Variants in LCK observed in about 807,000 individuals in gnomAD.
The protein encoded by LCK is LCK proto-oncogene, Src family tyrosine kinase, also known as tyrosine-protein kinase Lck.
Under a neutral mutation model 64.6 loss-of-function variants are expected in LCK, and 14 were observed. The observed-to-expected ratio is 0.22, with a 90% confidence interval of 0.14 to 0.34. The LOEUF is 0.34. Ranked by LOEUF, LCK falls within the 10% of genes least tolerant of loss-of-function variation. The pLI is 1.00. For missense variants in LCK, 434 were observed against 668.1 expected (o/e 0.65, Z 3.86); for synonymous variants, 277 against 263.6 (o/e 1.05, Z -0.49).
At chr1:32,273,572 G>A (rs761488773) in intron 1 of LCK, among the ~76,000 whole-genome samples, 25 of 151,986 alleles carry the variant, frequency 1.6e-4, no homozygotes, top group Admixed American at 2.6e-4. Context: ...GGACTCCGGG[G>A]GCTTCAAAGT....
At chr1:32,265,090 C>A (rs1235169904) in intron 1 of LCK, among the ~76,000 whole-genome samples, 1 of 151,886 alleles carries the variant, frequency 6.6e-6, no homozygotes, top group Non-Finnish European at 1.5e-5. Flanking sequence ...GCCTGTAATC[C>A]CAGCTGCTCG....
intron 1 of LCK, among the ~76,000 whole-genome samples, chr1:32,263,931 A>G (rs909907108): frequency 1.3e-5 from 2 of 152,020 alleles, no homozygotes; most frequent in Non-Finnish European, 2.9e-5. Flanking sequence ...AAAAAAAAGA[A>G]GAAGACCGGA....
intron 1 of LCK, among the ~76,000 whole-genome samples, chr1:32,261,240 ATTT>A (rs533208515): frequency 2.8e-4 from 30 of 106,118 alleles, no homozygotes; most frequent in African/African-American, 7.0e-4. Flanking sequence ...TGCTTGGCTA[ATTT>A]TTTTTTTTTT....
At chr1:32,263,333 C>T (rs1348525503) in intron 1 of LCK, among the ~76,000 whole-genome samples, 1 of 151,754 alleles carries the variant, frequency 6.6e-6, no homozygotes. Context: ...GTGGAGGTTG[C>T]AGTCAGCTGC....
intron 1 of LCK, among the ~76,000 whole-genome samples, chr1:32,261,823 C>T (rs1371910043): frequency 6.6e-6 from 1 of 151,012 alleles, no homozygotes; most frequent in African/African-American, 2.4e-5. Flanking sequence ...ATACTAGGCG[C>T]ATGCCTCCAA....
intron 12 of LCK, among the ~76,000 whole-genome samples, chr1:32,284,639 G>A (rs988525752): frequency 1.2e-4 from 18 of 152,090 alleles, no homozygotes; most frequent in Admixed American, 1.2e-3. Context: ...CACCATGCTG[G>A]GATTACAGGC....
At position 32,286,105 on chromosome 1, in the gene LCK, C is replaced by T. The variant is rs971766339; in HGVS notation, c.*389C>T. On this transcript the variant is annotated 3_prime_UTR_variant, in exon 13 of 13. Coordinates refer to ENST00000336890, the MANE Select transcript of LCK (RefSeq NM_005356.5). ...TTATCTAATACCTCTGTGTGCTCCT[C>T]CTTGGTGCCTGGCCTGGCACACATC... 3.1e-6 allele frequency: 1 copy of T among 319,062 alleles called. No homozygotes were observed. Among genetic ancestry groups the T allele is most frequent in the South Asian group, 6.5e-5 (1 of 15,362 alleles). 19.8% of individuals were successfully genotyped at this position (319,062 alleles called of 1,614,324 possible). A position where few individuals can be genotyped will look rare whatever the true frequency, so the allele number is the denominator to read the frequency against.
intron 1 of LCK, among the ~76,000 whole-genome samples, chr1:32,254,356 T>C (rs993571633): frequency 2.0e-5 from 3 of 152,046 alleles, no homozygotes; most frequent in African/African-American, 7.2e-5. Flanking sequence ...CCATCTCCAC[T>C]AAAAATACAA....
chr1:32,263,915 TA>T (rs879349289), intron 1 of LCK, among the ~76,000 whole-genome samples: 275 of 142,784 alleles, frequency 1.9e-3, no homozygotes, highest in Middle Eastern at 7.2e-3. Flanking sequence ...AGACCCTGTT[TA>T]AAAAAAAAAA....
chr1:32,264,003 A>G (rs911767552), intron 1 of LCK, among the ~76,000 whole-genome samples: 1 of 152,030 alleles, frequency 6.6e-6, no homozygotes, highest in Non-Finnish European at 1.5e-5. Context: ...TCACAATTAC[A>G]TAGGGACGGT....
rs1640364076 is a variant in LCK, at chr1:32,278,904, C to T, written c.965-767C>T. On this transcript the variant is annotated intron_variant, in intron 9 of 12. Transcript: ENST00000336890. ...CTCTTGGGAAGGGCCATTGGTCACTCACTGCATCCTAGCAACTCCCATCCA... is the reference window on the plus strand; with the variant it reads ...CTCTTGGGAAGGGCCATTGGTCACTTACTGCATCCTAGCAACTCCCATCCA... Among the ~76,000 whole-genome samples, 3 of 152,320 alleles carry T rather than the reference C, an allele frequency of 2.0e-5. No homozygotes were observed. In the South Asian group the frequency reaches 6.2e-4, roughly 32 times the overall value.
rs757995788 is a variant in LCK at position 32,251,360 on chromosome 1, C to T, written c.-17C>T. 82 of 153,126 alleles carry T rather than the reference C, an allele frequency of 5.4e-4. No homozygotes were observed. The highest frequency in any genetic ancestry group is 3.3e-3 in the Middle Eastern group (1 of 300). The allele number at this position is 153,126 out of a possible 1,614,324, so 9.5% of individuals were successfully genotyped here. ...CATGTGAATGGGGCCAGAGGGCTCC[C>T]GGGCTGGGCAGGTAAGGAGCGCTGG... On this transcript the variant is annotated 5_prime_UTR_variant, in exon 1 of 13. Transcript: ENST00000336890. This position sits in a 1 kb window ranked among gnomAD's most constrained non-coding sequence, Gnocchi z 4.0.
rs1035188114 is a variant in LCK at position 32,275,144 on chromosome 1, C to T, written c.278+61C>T. 4 of 1,523,532 alleles carry T rather than the reference C, an allele frequency of 2.6e-6. No individual in the cohort carries two copies. The highest frequency in any genetic ancestry group is 3.5e-5 in the Admixed American group (2 of 57,860). 94.4% of individuals were successfully genotyped at this position (1,523,532 alleles called of 1,614,324 possible). On this transcript the variant is annotated intron_variant, in intron 4 of 12. Transcript: ENST00000336890. This position sits in a 1 kb window ranked among gnomAD's most constrained non-coding sequence, Gnocchi z 6.9. ...TGAGGGAGCGGCGATCTCCGCGACC[C>T]GCAGCCCTCCTGCGGCCCTTGACCA...
At chr1:32,253,003 C>T (rs183864544) in intron 1 of LCK, among the ~76,000 whole-genome samples, 24 of 152,226 alleles carry the variant, frequency 1.6e-4, no homozygotes, top group Non-Finnish European at 2.2e-4. Context: ...GTCACAATTC[C>T]GCTGGACCAT....
In LCK at chr1:32,280,443, C is replaced by CTTTTTTTTTTTTTTT. The variant is rs770430504; in HGVS notation, c.1327+249_1327+263dup. Among the ~76,000 whole-genome samples, 371 of 84,772 alleles carry CTTTTTTTTTTTTTTT rather than the reference C, an allele frequency of 4.4e-3. 5 individuals are homozygous for CTTTTTTTTTTTTTTT. Among genetic ancestry groups the CTTTTTTTTTTTTTTT allele is most frequent in the Non-Finnish European group, 5.2e-3 (244 of 46,788 alleles). 55.6% of individuals were successfully genotyped at this position (84,772 alleles called of 152,430 possible). A position where few individuals can be genotyped will look rare whatever the true frequency, so the allele number is the denominator to read the frequency against. ...TTTCTTTTTCTCTTTTTTTCTTTTT[C>CTTTTTTTTTTTTTTT]TTTTTTTTTTTTTTTTTTTTTTTTT... is the stretch of plus-strand genomic sequence containing the variant. On this transcript the variant is annotated intron_variant, in intron 12 of 12. Transcript: ENST00000336890.
intron 1 of LCK, among the ~76,000 whole-genome samples, chr1:32,260,540 G>A (rs770507479): frequency 1.4e-4 from 22 of 152,050 alleles, no homozygotes; most frequent in East Asian, 7.7e-4. Flanking sequence ...TACTTTTTGT[G>A]CTCTACATGT....
chr1:32,264,768 T>A (rs1042137496), intron 1 of LCK, among the ~76,000 whole-genome samples: 8 of 152,094 alleles, frequency 5.3e-5, no homozygotes, highest in African/African-American at 1.2e-4. Context: ...GTTAAAAAAA[T>A]TTTTCTTTTA....
intron 1 of LCK, among the ~76,000 whole-genome samples, chr1:32,259,289 TAAAAAAA>T (rs10656936): frequency 8.1e-6 from 1 of 124,210 alleles, no homozygotes; most frequent in Non-Finnish European, 1.6e-5. Flanking sequence ...GCTTCTCAGG[TAAAAAAA>T]AAAAAAGAAA....
intron 12 of LCK, among the ~76,000 whole-genome samples, chr1:32,282,483 T>C (rs1456348539): frequency 1.3e-5 from 2 of 152,166 alleles, no homozygotes; most frequent in East Asian, 3.9e-4. Flanking sequence ...TTCATTTCCA[T>C]TTATTGGCGA....
Sources: allele counts gnomAD v4.1 joint callset (sites outside exome capture counted in the v4.1 genomes callset), GRCh38; gene constraint gnomAD v4.1.1; non-coding constraint Gnocchi (gnomAD v3.1); transcripts MANE v1.5; gene names NCBI Gene and HGNC (gene_info 2026-07-23, HGNC 2026-07-21).